The following NCAPD2 variants were observed in gnomAD, a reference collection of about 807,000 sequenced individuals.
NCAPD2 encodes non-SMC condensin I complex subunit D2, also known as condensin complex subunit 1.
In NCAPD2, 100 loss-of-function variants were observed where a neutral mutation model predicts 164.5. The observed-to-expected ratio is 0.61, with a 90% CI of 0.52 to 0.72. NCAPD2 has a LOEUF of 0.72. Among genes scored for constraint, NCAPD2 ranks in the 30% least tolerant of loss-of-function variants. The pLI, the probability that NCAPD2 is intolerant of heterozygous loss-of-function variation, is 0.00. For missense variants in NCAPD2, 1,560 were observed against 1,749.2 expected, an observed-to-expected ratio of 0.89 and a Z score of 1.93; for synonymous variants, 585 against 642.6, an observed-to-expected ratio of 0.91 and a Z score of 1.36.
intron 4 of NCAPD2, 173 bp from the exon 5 acceptor site, chr12:6,510,456 G>A: frequency 1.2e-6 from 1 of 819,046 alleles, no homozygotes; most frequent in South Asian, 1.3e-5. Flanking sequence ...TAGGAACAGG[G>A]CATGTTCAGG....
In NCAPD2 at chr12:6,516,064, C is replaced by T. The variant is rs1020577575; in HGVS notation, c.988-764C>T. On this transcript the variant is annotated intron_variant, in intron 9 of 31. Coordinates refer to ENST00000315579, the MANE Select transcript of NCAPD2 (RefSeq NM_014865.4). ...AAAAAAAATTAGCTGGGTGTGGTGG[C>T]GCGCACCTGTAATCCTAGCTACTCG... is the stretch of plus-strand genomic sequence containing the variant. 4.0e-5 allele frequency among the ~76,000 whole-genome samples: 6 copies of T among 151,472 alleles called. No homozygotes were observed. In the East Asian group the frequency reaches 5.8e-4, roughly 15 times the overall value.
rs752173146 is a variant in NCAPD2, at chr12:6,521,995, A to G, written c.1912A>G (p.Ile638Val). ...YSFSRKITEA[I>V]GIISKMMYEN... is the part of the protein sequence containing the mutation. The stretch of plus-strand genomic sequence containing the variant: ...CTTCTCCCGGAAGATTACAGAGGCC[A>G]TTGGCATCATCAGCAAGATGATGTA... Residue 638 changes from isoleucine (I) to valine (V), a missense_variant, in exon 15 of 32, where the codon ATT becomes GTT. By Grantham distance (29) the Ile-to-Val change is conservative. Coordinates refer to ENST00000315579, the MANE Select transcript of NCAPD2 (RefSeq NM_014865.4). The G allele has an allele frequency of 6.2e-6, 10 of 1,614,078 alleles. No homozygotes were observed. The highest frequency in any genetic ancestry group is 8.5e-6 in the Non-Finnish European group (10 of 1,180,016).
chr12:6,525,510 A>G (rs1430381515), intron 17 of NCAPD2, 73 bp from the exon 18 acceptor site: 4 of 1,534,796 alleles, frequency 2.6e-6, no homozygotes, highest in Admixed American at 3.9e-5. Context: ...TCGCAATATC[A>G]TCTTCAGAAA....
At chr12:6,510,458 A>G (rs1946136137) in intron 4 of NCAPD2, 171 bp from the exon 5 acceptor site, 1 of 822,226 alleles carries the variant, frequency 1.2e-6, no homozygotes, top group Non-Finnish European at 2.1e-6. Flanking sequence ...GGAACAGGGC[A>G]TGTTCAGGGT....
chr12:6,528,047 C>G lies in NCAPD2; in HGVS notation c.3099C>G (p.Leu1033=), dbSNP rs777704645. 6.2e-6 allele frequency: 10 copies of G among 1,614,248 alleles called. No individual in the cohort carries two copies. The highest frequency in any genetic ancestry group is 8.5e-6 in the Non-Finnish European group (10 of 1,180,050). The change falls in exon 24 of 32, where the codon CTC becomes CTG. Residue 1033 remains leucine (L), a synonymous_variant. Coordinates refer to ENST00000315579, the MANE Select transcript of NCAPD2 (RefSeq NM_014865.4). This position sits in a 1 kb window ranked among gnomAD's most constrained non-coding sequence, Gnocchi z 5.1. ...NNPGLYSNPD[L]SAAASLALGK... The stretch of plus-strand genomic sequence containing the variant: ...CAGGCCTCTATAGCAACCCAGACCT[C>G]TCTGCAGCTGCTTCACTTGCCCTTG...
chr12:6,525,377 A>G (rs1208560510), intron 17 of NCAPD2, among the ~76,000 whole-genome samples: 1 of 152,188 alleles, frequency 6.6e-6, no homozygotes, highest in Admixed American at 6.5e-5. Flanking sequence ...CTTGAATAAA[A>G]TAGTTTTGAA....
At chr12:6,523,224 A>C (rs770070684) in intron 16 of NCAPD2, 38 bp from the exon 17 acceptor site, 1 of 1,593,312 alleles carries the variant, frequency 6.3e-7, no homozygotes, top group East Asian at 2.2e-5. Context: ...TCAGCTTCCC[A>C]ATCTTATAGT....
intron 13 of NCAPD2, among the ~76,000 whole-genome samples, chr12:6,519,859 G>T (rs1322036947): frequency 6.8e-6 from 1 of 147,880 alleles, no homozygotes; most frequent in African/African-American, 2.5e-5. Flanking sequence ...CAGAGGAAGA[G>T]TCCATCTCAA....
At chr12:6,523,052 A>C (rs1262732536) in intron 16 of NCAPD2, 50 bp downstream of exon 16, 1 of 1,599,632 alleles carries the variant, frequency 6.3e-7, no homozygotes, top group South Asian at 1.1e-5. Context: ...TCAGCTTCTC[A>C]CAGGACTTCC....
chr12:6,527,681 T>G, intron 22 of NCAPD2, 96 bp from the exon 23 acceptor site: 1 of 1,024,644 alleles, frequency 9.8e-7, no homozygotes, highest in Non-Finnish European at 1.5e-6. Context: ...TTGTAGAATT[T>G]GCCCTTCCTC....
At chr12:6,504,208 T>TACATATATAC (rs1421551900) in intron 2 of NCAPD2, among the ~76,000 whole-genome samples, 1 of 22,570 alleles carries the variant, frequency 4.4e-5, no homozygotes, top group African/African-American at 4.2e-4. Context: ...TATATATATA[T>TACATATATAC]ATATATATAG....
At position 6,526,155 on chromosome 12, in the gene NCAPD2, C is replaced by G; in HGVS notation, c.2436C>G (p.Ala812=). Residue 812 remains alanine, a synonymous_variant, in exon 19 of 32, where the codon GCC becomes GCG. Transcript: ENST00000315579. Reference sequence around the variant, plus strand: ...AGTTTCCACAGGACTACAGGCTGGCCCAGCAGGTGTGCCATGCCATTGCCA... The same window carrying G: ...AGTTTCCACAGGACTACAGGCTGGCGCAGCAGGTGTGCCATGCCATTGCCA... The part of the protein sequence containing the change: ...DEKFPQDYRL[A]QQVCHAIANI... The G allele has an allele frequency of 1.2e-6, 2 of 1,614,172 alleles. No individual in the cohort carries two copies. The highest frequency in any genetic ancestry group is 1.7e-6 in the Non-Finnish European group (2 of 1,180,040).
rs1379902209 is a variant in NCAPD2, at chr12:6,526,280, T to G, written c.2482-7T>G. The G allele has an allele frequency of 6.2e-7, 1 of 1,614,188 alleles. No homozygotes were observed. Among genetic ancestry groups the G allele is most frequent in the Admixed American group, 1.7e-5 (1 of 60,020 alleles). ...TACACACACCCACGTTGTCTTGCTC[T>G]CCACAGCCTTCTCTGGGCAAACGTC... On this transcript the variant is annotated splice_region_variant and splice_polypyrimidine_tract_variant and intron_variant, in intron 19 of 31. Coordinates refer to ENST00000315579, the MANE Select transcript of NCAPD2 (RefSeq NM_014865.4).
At chr12:6,529,487 A>G in intron 27 of NCAPD2, 26 bp from the exon 28 acceptor site, 1 of 1,608,344 alleles carries the variant, frequency 6.2e-7, no homozygotes, top group Non-Finnish European at 8.5e-7. Flanking sequence ...TGGGCCATCG[A>G]ACATCCTCAT....
In NCAPD2 at chr12:6,528,452, C is replaced by G. The variant is rs1204692742; in HGVS notation, c.3299+124C>G. 7.2e-7 allele frequency: 1 copy of G among 1,380,904 alleles called. No homozygotes were observed. The highest frequency in any genetic ancestry group is 2.3e-5 in the East Asian group (1 of 43,700). 85.5% of individuals were successfully genotyped at this position (1,380,904 alleles called of 1,614,324 possible). On this transcript the variant is annotated intron_variant, in intron 25 of 31. Transcript: ENST00000315579. The surrounding 1 kb of genome is among the most constrained non-coding windows in gnomAD (Gnocchi z 5.1). ...CATCACCGCGAACATCTGCTTGATA[C>G]TTGACCTGTACAGGCCCCTGGCTAA...
chr12:6,523,403 T>TTTTTG, intron 17 of NCAPD2, 57 bp downstream of exon 17: 2 of 1,417,418 alleles, frequency 1.4e-6, no homozygotes, highest in South Asian at 1.2e-5. Context: ...TGGTTGTTTT[T>TTTTTG]TTTTTTTTTT....
chr12:6,505,157 C>T (rs1292645818), intron 2 of NCAPD2, among the ~76,000 whole-genome samples: 2 of 152,108 alleles, frequency 1.3e-5, no homozygotes, highest in Non-Finnish European at 2.9e-5. Flanking sequence ...CCTCCGCCTC[C>T]CCGGGTTCAA....
At chr12:6,506,377 A>G (rs1262207579) in intron 2 of NCAPD2, among the ~76,000 whole-genome samples, 2 of 152,122 alleles carry the variant, frequency 1.3e-5, no homozygotes, top group African/African-American at 4.8e-5. Context: ...TCACGAGGTC[A>G]GGAGATCGAG....
chr12:6,530,723 G>C lies in NCAPD2; in HGVS notation c.3870G>C (p.Arg1290=). The part of the protein sequence containing the change: ...AIIDEFEQKL[R]ACHTRGLDGI... ...TAGATGAATTTGAGCAGAAGCTTCG[G>C]GCCTGTCATACCAGAGGTTTGGATG... The change falls in exon 30 of 32, where the codon CGG becomes CGC. Residue 1290 remains arginine, a synonymous_variant. Coordinates refer to ENST00000315579, the MANE Select transcript of NCAPD2 (RefSeq NM_014865.4). 1 of 1,614,046 alleles carries C rather than the reference G, an allele frequency of 6.2e-7. No individual in the cohort carries two copies. The highest frequency in any genetic ancestry group is 1.1e-5 in the South Asian group (1 of 91,082).
Sources: gnomAD v4.1 joint callset for allele counts (sites outside exome capture counted in the v4.1 genomes callset) on GRCh38, gnomAD v4.1.1 for gene constraint, Gnocchi (gnomAD v3.1) non-coding constraint, MANE v1.5 for transcripts, NCBI Gene and HGNC (gene_info 2026-07-23, HGNC 2026-07-21) for gene names.